Variants in GPC6 observed in about 807,000 individuals in gnomAD.
GPC6 encodes the protein glypican-6.
A neutral mutation model predicts 55.2 loss-of-function variants in GPC6; 14 were observed. That is an observed-to-expected ratio of 0.25 (90% CI 0.17 to 0.40). The LOEUF (loss-of-function observed/expected upper bound fraction) is 0.40, where lower values mean the gene tolerates loss of function less well. GPC6 is among the 10% of genes least tolerant of loss of function. GPC6 has a pLI of 1.00. For missense variants in GPC6, 641 were observed against 708.5 expected (o/e 0.90, Z 1.08); for synonymous variants, 278 against 259.6 (o/e 1.07, Z -0.68).
intron 3 of GPC6, among the ~76,000 whole-genome samples, chr13:94,009,190 A>G (rs529906757): frequency 2.0e-5 from 3 of 152,314 alleles, no homozygotes; most frequent in Admixed American, 2.0e-4. Context: ...AAATCTTTGG[A>G]TAAATATTAC....
chr13:93,249,930 G>A (rs755237056), intron 1 of GPC6, among the ~76,000 whole-genome samples: 6 of 152,076 alleles, frequency 3.9e-5, no homozygotes, highest in Non-Finnish European at 7.3e-5. Context: ...GTAGTTTTCC[G>A]CAGGAGCTCC....
At chr13:93,308,189 G>T (rs1878942434) in intron 1 of GPC6, among the ~76,000 whole-genome samples, 1 of 152,142 alleles carries the variant, frequency 6.6e-6, no homozygotes, top group South Asian at 2.1e-4. Flanking sequence ...GGAGGCTGAG[G>T]CAGGAGAATG....
intron 3 of GPC6, among the ~76,000 whole-genome samples, chr13:93,886,677 A>G (rs1237227052): frequency 2.0e-5 from 3 of 151,352 alleles, no homozygotes; most frequent in East Asian, 3.9e-4. Context: ...CTCTTTTAAC[A>G]TTGATGGACA....
chr13:93,228,326 G>T (rs991913365), intron 1 of GPC6, among the ~76,000 whole-genome samples: 2 of 152,272 alleles, frequency 1.3e-5, no homozygotes, highest in Admixed American at 6.5e-5. Flanking sequence ...GGCCACTCAG[G>T]GCCCGGGGAC....
chr13:93,950,776 A>C (rs1879218353), intron 3 of GPC6, among the ~76,000 whole-genome samples: 1 of 151,374 alleles, frequency 6.6e-6, no homozygotes, highest in Admixed American at 6.6e-5. Context: ...TTCACAAATG[A>C]TTCTGAGGCT....
chr13:93,537,961 A>G (rs1041699450), intron 1 of GPC6, among the ~76,000 whole-genome samples: 42 of 152,328 alleles, frequency 2.8e-4, no homozygotes, highest in African/African-American at 9.9e-4. Flanking sequence ...AAAAAATATA[A>G]TACAAAAAAT....
chr13:93,587,169 C>T (rs1218220212), intron 2 of GPC6, among the ~76,000 whole-genome samples: 2 of 151,880 alleles, frequency 1.3e-5, no homozygotes, highest in Non-Finnish European at 2.9e-5. Context: ...TTTTTGTCAT[C>T]TGTAAAATAG....
intron 1 of GPC6, among the ~76,000 whole-genome samples, chr13:93,419,008 A>T (rs996803304): frequency 2.3e-4 from 35 of 151,082 alleles, no homozygotes; most frequent in Non-Finnish European, 3.4e-4. Flanking sequence ...GTATCATTTT[A>T]TTAATAGCAC....
intron 2 of GPC6, among the ~76,000 whole-genome samples, chr13:93,789,522 T>TATATAC (rs1555331652): frequency 7.2e-6 from 1 of 139,260 alleles, no homozygotes; most frequent in African/African-American, 2.7e-5. Flanking sequence ...TATATATATA[T>TATATAC]ATATATATAT....
At chr13:93,572,778 A>T (rs1041824206) in intron 2 of GPC6, among the ~76,000 whole-genome samples, 1 of 152,170 alleles carries the variant, frequency 6.6e-6, no homozygotes, top group African/African-American at 2.4e-5. Context: ...CCAGAACTTT[A>T]TATTTTCAGA....
At chr13:93,754,747 A>T (rs1293359401) in intron 2 of GPC6, among the ~76,000 whole-genome samples, 2 of 152,106 alleles carry the variant, frequency 1.3e-5, no homozygotes, top group African/African-American at 4.8e-5. Flanking sequence ...TCTCATAAAC[A>T]GAAACATAAT....
At chr13:93,466,175 T>C (rs917019690) in intron 1 of GPC6, among the ~76,000 whole-genome samples, 1 of 152,012 alleles carries the variant, frequency 6.6e-6, no homozygotes, top group Non-Finnish European at 1.5e-5. Context: ...GGTGCTGATA[T>C]ACTTTCTTGA....
At chr13:94,087,340 G>T (rs1037692227) in intron 4 of GPC6, among the ~76,000 whole-genome samples, 7 of 152,148 alleles carry the variant, frequency 4.6e-5, no homozygotes, top group African/African-American at 1.7e-4. Context: ...AGGCCAGGGT[G>T]ATTAAGTCAC....
chr13:93,817,867 T>C (rs1377387749), intron 2 of GPC6, among the ~76,000 whole-genome samples: 4 of 93,242 alleles, frequency 4.3e-5, no homozygotes, highest in Non-Finnish European at 6.0e-5. Context: ...CAAAAAATAA[T>C]GTATAGATAG....
At chr13:93,876,101 A>T (rs960521887) in intron 3 of GPC6, among the ~76,000 whole-genome samples, 1 of 152,050 alleles carries the variant, frequency 6.6e-6, no homozygotes, top group African/African-American at 2.4e-5. Flanking sequence ...GTCAGCTGGA[A>T]TTAGTAAGAA....
intron 1 of GPC6, among the ~76,000 whole-genome samples, chr13:93,335,130 T>A (rs1880001384): frequency 1.3e-5 from 2 of 152,220 alleles, no homozygotes; most frequent in Admixed American, 1.3e-4. Flanking sequence ...GCATAGCTAA[T>A]TATTTAGAAG....
chr13:93,882,620 A>G (rs992189690), intron 3 of GPC6, among the ~76,000 whole-genome samples: 1 of 152,032 alleles, frequency 6.6e-6, no homozygotes, highest in Non-Finnish European at 1.5e-5. Context: ...GTAAAGTTCT[A>G]TGGGTTTTGA....
Position 93,886,817 on chromosome 13 carries a change from T to G in GPC6, c.711+56272T>G, listed in dbSNP as rs146591617. 2.6e-5 allele frequency among the ~76,000 whole-genome samples: 4 copies of G among 151,626 alleles called. No homozygotes were observed. The East Asian group carries it at 7.8e-4, about 30-fold the overall frequency. On this transcript the variant is annotated intron_variant, in intron 3 of 8. Coordinates refer to ENST00000377047, the MANE Select transcript of GPC6 (RefSeq NM_005708.5). ...ACGATATTGCTAATAAAGTTTGGAA[T>G]AGTGTACGTTTGATTCTCAAACTTC...
intron 1 of GPC6, among the ~76,000 whole-genome samples, chr13:93,290,776 T>C (rs1878293358): frequency 6.6e-6 from 1 of 152,144 alleles, no homozygotes; most frequent in South Asian, 2.1e-4. Flanking sequence ...CATGATAACT[T>C]TATCTCTATA....
Sources: gnomAD v4.1 joint callset for allele counts (sites outside exome capture counted in the v4.1 genomes callset) on GRCh38, gnomAD v4.1.1 for gene constraint, MANE v1.5 for transcripts, NCBI Gene and HGNC (gene_info 2026-07-23, HGNC 2026-07-21) for gene names.